DLG2: variants seen among roughly 807,000 people sequenced by gnomAD.
DLG2 encodes the protein discs large MAGUK scaffold protein 2.
A neutral mutation model predicts 132.5 loss-of-function variants in DLG2; 45 were observed. The observed-to-expected ratio is 0.34, with a 90% confidence interval of 0.27 to 0.44. The LOEUF (loss-of-function observed/expected upper bound fraction) is 0.44. Ranked by LOEUF, DLG2 falls within the 20% of genes least tolerant of loss-of-function variation. The probability of loss-of-function intolerance (pLI) is 1.00; values close to 1 mark genes in which losing one functional copy is unlikely to be tolerated. For missense variants in DLG2, 1,045 were observed against 1,196.9 expected, an observed-to-expected ratio of 0.87 and a Z score of 1.87; for synonymous variants, 424 against 419.6, an observed-to-expected ratio of 1.01 and a Z score of -0.13.
At chr11:85,613,549 A>G (rs2081145653) in intron 2 of DLG2, among the ~76,000 whole-genome samples, 1 of 152,146 alleles carries the variant, frequency 6.6e-6, no homozygotes, top group African/African-American at 2.4e-5. Context: ...TAAATGCACC[A>G]ATCAGCTCTC....
intron 6 of DLG2, among the ~76,000 whole-genome samples, chr11:84,641,090 C>T (rs570509150): frequency 2.0e-5 from 3 of 152,282 alleles, no homozygotes; most frequent in East Asian, 1.9e-4. Context: ...GAGTCACACA[C>T]AGTCCATGGT....
chr11:84,303,170 A>C (rs1446451380), intron 7 of DLG2, among the ~76,000 whole-genome samples: 1 of 152,200 alleles, frequency 6.6e-6, no homozygotes, highest in Non-Finnish European at 1.5e-5. Context: ...AAAAATTGTA[A>C]TTAAGTATGA....
At chr11:84,531,427 T>C (rs921103788) in intron 7 of DLG2, among the ~76,000 whole-genome samples, 1 of 152,206 alleles carries the variant, frequency 6.6e-6, no homozygotes, top group African/African-American at 2.4e-5. Flanking sequence ...CTCCATGATA[T>C]GCAGTTTACC....
intron 11 of DLG2, among the ~76,000 whole-genome samples, chr11:84,013,522 A>G (rs756899475): frequency 2.0e-5 from 3 of 152,122 alleles, no homozygotes; most frequent in Non-Finnish European, 4.4e-5. Context: ...TATTTCAGTT[A>G]ATAGAACTGA....
chr11:84,545,363 AGCCATCCCACT>A (rs1355138479), intron 6 of DLG2: 1 of 526,696 alleles, frequency 1.9e-6, no homozygotes, highest in African/African-American at 1.9e-5. Context: ...AATCCATTAT[AGCCATCCCACT>A]GCCACCATAT....
chr11:85,259,734 A>G (rs566960622), intron 4 of DLG2, among the ~76,000 whole-genome samples: 1 of 152,048 alleles, frequency 6.6e-6, no homozygotes, highest in Admixed American at 6.6e-5. Context: ...CTCATTGACA[A>G]TCCAAATCCC....
In DLG2 at chr11:84,082,208, A is replaced by AT. The variant is rs1183347327; in HGVS notation, c.749+16714_749+16715insA. ...TGTAAATTCTGGCAGAAACTCTACAAGCCAAAATTTACAAAATATTTTTAA... is the reference window on the plus strand; with the variant it reads ...TGTAAATTCTGGCAGAAACTCTACAATGCCAAAATTTACAAAATATTTTTAA... On this transcript the variant is annotated intron_variant, in intron 10 of 27. Coordinates refer to ENST00000376104, the MANE Select transcript of DLG2 (RefSeq NM_001142699.3). 5.9e-5 allele frequency among the ~76,000 whole-genome samples: 9 copies of AT among 152,270 alleles called. No individual in the cohort carries two copies. In the East Asian group the frequency reaches 1.7e-3, roughly 29 times the overall value.
chr11:83,620,965 T>C (rs1270427606), intron 19 of DLG2, among the ~76,000 whole-genome samples: 1 of 151,298 alleles, frequency 6.6e-6, no homozygotes, highest in East Asian at 1.9e-4. Context: ...AACTTAGTCA[T>C]CATGATGCTT....
chr11:85,148,314 T>C (rs950659370), intron 5 of DLG2, among the ~76,000 whole-genome samples: 2 of 152,110 alleles, frequency 1.3e-5, no homozygotes, highest in Non-Finnish European at 2.9e-5. Flanking sequence ...TTGTAGATCT[T>C]TGAGGAATTG....
intron 3 of DLG2, among the ~76,000 whole-genome samples, chr11:85,321,306 T>C (rs1173276300): frequency 2.0e-5 from 3 of 152,000 alleles, no homozygotes; most frequent in East Asian, 1.9e-4. Context: ...AAGGGCTTAG[T>C]ATTGGCTATT....
intron 9 of DLG2, among the ~76,000 whole-genome samples, chr11:84,133,265 C>T (rs2094483035): frequency 6.6e-6 from 1 of 151,866 alleles, no homozygotes; most frequent in African/African-American, 2.4e-5. Context: ...AAACAAAATT[C>T]CAGTGAATCC....
chr11:84,767,156 T>C (rs1250631195), intron 6 of DLG2, among the ~76,000 whole-genome samples: 1 of 152,084 alleles, frequency 6.6e-6, no homozygotes, highest in African/African-American at 2.4e-5. Context: ...TTAACATATT[T>C]AGCACAAAGT....
chr11:84,714,535 C>CTT (rs1297873527), intron 6 of DLG2, among the ~76,000 whole-genome samples: 1 of 106,694 alleles, frequency 9.4e-6, no homozygotes, highest in African/African-American at 7.5e-5. Flanking sequence ...TCCTCTTTCT[C>CTT]TTTCTCTTTC....
chr11:85,123,178 C>T (rs964939264), intron 5 of DLG2, among the ~76,000 whole-genome samples: 4 of 150,916 alleles, frequency 2.7e-5, no homozygotes, highest in Admixed American at 6.6e-5. Flanking sequence ...GGGGTTTCAC[C>T]GTGTTAGCAA....
chr11:84,104,617 GA>G (rs1051456473), intron 9 of DLG2, among the ~76,000 whole-genome samples: 3 of 151,794 alleles, frequency 2.0e-5, no homozygotes, highest in Non-Finnish European at 4.4e-5. Flanking sequence ...AATAAAAACG[GA>G]AAATGTTGAT....
intron 6 of DLG2, among the ~76,000 whole-genome samples, chr11:84,936,487 A>G (rs532743525): frequency 4.6e-5 from 7 of 152,262 alleles, no homozygotes; most frequent in Non-Finnish European, 1.0e-4. Context: ...AGTTAAATAA[A>G]TAAATGAACT....
chr11:85,121,237 T>G (rs926036579), intron 5 of DLG2, among the ~76,000 whole-genome samples: 1 of 152,018 alleles, frequency 6.6e-6, no homozygotes, highest in East Asian at 1.9e-4. Context: ...AAAAAAATTA[T>G]ATTATTTCTC....
chr11:83,816,436 G>A (rs962146961), intron 17 of DLG2, among the ~76,000 whole-genome samples: 7 of 152,148 alleles, frequency 4.6e-5, no homozygotes, highest in African/African-American at 1.7e-4. Context: ...TATAGGATTT[G>A]TGTCAATATT....
intron 7 of DLG2, among the ~76,000 whole-genome samples, chr11:84,424,859 G>A (rs2098961434): frequency 6.6e-6 from 1 of 151,980 alleles, no homozygotes; most frequent in African/African-American, 2.4e-5. Flanking sequence ...TGTGCAATCA[G>A]GCATGATCAC....
Sources: allele counts gnomAD v4.1 joint callset (sites outside exome capture counted in the v4.1 genomes callset), GRCh38; gene constraint gnomAD v4.1.1; transcripts MANE v1.5; gene names NCBI Gene and HGNC (gene_info 2026-07-23, HGNC 2026-07-21).